The following COL14A1 variants were observed in gnomAD, a reference collection of about 807,000 sequenced individuals.
COL14A1 encodes collagen alpha-1(XIV) chain.
Under a neutral mutation model 230.3 loss-of-function variants are expected in COL14A1, and 136 were observed. The ratio of observed to expected loss-of-function variants is 0.59; its 90% CI spans 0.51 to 0.68. COL14A1 has a LOEUF of 0.68. Ranked by LOEUF, COL14A1 falls within the 30% of genes least tolerant of loss-of-function variation. COL14A1 has a pLI of 0.00. For synonymous variants in COL14A1, 792 were observed against 784.1 expected, an observed-to-expected ratio of 1.01 and a Z score of -0.17; for missense variants, 1,976 against 2,215.8, an observed-to-expected ratio of 0.89 and a Z score of 2.17.
At chr8:120,279,842 A>T in intron 28 of COL14A1, 93 bp from the exon 29 acceptor site, 1 of 1,397,072 alleles carries the variant, frequency 7.2e-7, no homozygotes, top group Non-Finnish European at 9.7e-7. Context: ...TCCTAAATAA[A>T]CATATTTTAA....
intron 8 of COL14A1, 110 bp from the exon 9 acceptor site, chr8:120,203,599 T>C (rs1039750027): frequency 1.3e-6 from 1 of 790,128 alleles, no homozygotes; most frequent in Admixed American, 2.7e-5. Context: ...TAGCAGATGA[T>C]GCTTTGACTG....
chr8:120,199,918 G>A (rs1178404196), intron 8 of COL14A1, among the ~76,000 whole-genome samples: 1 of 151,852 alleles, frequency 6.6e-6, no homozygotes, highest in South Asian at 2.1e-4. Context: ...TGGTAATATA[G>A]GAAGAATCTA....
At chr8:120,251,792 T>C (rs1032764981) in intron 22 of COL14A1, among the ~76,000 whole-genome samples, 1 of 152,188 alleles carries the variant, frequency 6.6e-6, no homozygotes, top group Non-Finnish European at 1.5e-5. Context: ...CAAATTTTCA[T>C]AGATACCCTA....
chr8:120,236,440 C>T (rs1818448030), intron 19 of COL14A1, among the ~76,000 whole-genome samples: 2 of 148,480 alleles, frequency 1.3e-5, no homozygotes, highest in Admixed American at 7.0e-5. Flanking sequence ...ATTGCAACCC[C>T]TGCTTTTTTT....
In COL14A1 at chr8:120,281,004, A is replaced by C. The variant is rs761414740; in HGVS notation, c.3769A>C (p.Asn1257His). ...EGVSMEPGTF[N>H]VFPCYQLHKD... ...GGTTTCTATGGAGCCTGGTACCTTC[A>C]ATGTGTTTCCATGTTACCAACTCCA... The change falls in exon 31 of 48, where the codon AAT (asparagine) becomes CAT (histidine). Residue 1257 changes from asparagine (N) to histidine (H), a missense_variant. By Grantham distance (68) the Asn-to-His change is moderately conservative. Transcript: ENST00000297848. 8 of 1,613,036 alleles carry C rather than the reference A, an allele frequency of 5.0e-6. No homozygotes were observed. The East Asian group carries it at 1.8e-4, about 36-fold the overall frequency.
At chr8:120,157,796 C>T (rs1815528980) in intron 2 of COL14A1, among the ~76,000 whole-genome samples, 1 of 151,720 alleles carries the variant, frequency 6.6e-6, no homozygotes, top group Non-Finnish European at 1.5e-5. Flanking sequence ...CCAGCCTGGC[C>T]AAGATGGTGA....
Position 120,345,420 on chromosome 8 carries a change from ACTC to A in COL14A1, c.4938_4940del (p.Ser1648del). On this transcript the variant is annotated inframe_deletion, in exon 45 of 48. Transcript: ENST00000297848. ...GCCATCCTCAACCAGATTCCCAGCC[ACTC>A]CTCATCCATCCGGACTGTCCAAGGG... 3.8e-6 allele frequency: 6 copies of A among 1,596,352 alleles called. No individual in the cohort carries two copies. The highest frequency in any genetic ancestry group is 4.3e-6 in the Non-Finnish European group (5 of 1,172,548).
intron 35 of COL14A1, 113 bp from the exon 36 acceptor site, chr8:120,300,619 A>T: frequency 1.3e-6 from 1 of 779,486 alleles, no homozygotes; most frequent in Non-Finnish European, 2.1e-6. Flanking sequence ...TGCCTTTCTA[A>T]TGTGCACTTG....
At chr8:120,161,603 A>C (rs565269843) in intron 3 of COL14A1, among the ~76,000 whole-genome samples, 42 of 152,300 alleles carry the variant, frequency 2.8e-4, no homozygotes, top group Non-Finnish European at 5.3e-4. Flanking sequence ...GACTCACTTT[A>C]GAGAGGCTGT....
chr8:120,198,116 A>AC (rs1817106231), intron 7 of COL14A1, among the ~76,000 whole-genome samples, 186 bp downstream of exon 7: 1 of 152,146 alleles, frequency 6.6e-6, no homozygotes, highest in Non-Finnish European at 1.5e-5. Context: ...CTTTTACTCT[A>AC]TGACTATAAT....
chr8:120,230,889 G>A (rs1818246714), intron 18 of COL14A1, among the ~76,000 whole-genome samples: 1 of 152,200 alleles, frequency 6.6e-6, no homozygotes, highest in Non-Finnish European at 1.5e-5. Flanking sequence ...AGATGAGCAC[G>A]AATGTGCCAG....
intron 5 of COL14A1, among the ~76,000 whole-genome samples, chr8:120,175,050 T>C (rs1017151145): frequency 2.0e-5 from 3 of 152,240 alleles, no homozygotes; most frequent in Admixed American, 6.5e-5. Flanking sequence ...GAGTCTACAC[T>C]GATAGTGGCT....
intron 35 of COL14A1, among the ~76,000 whole-genome samples, chr8:120,299,467 T>A (rs1235769902): frequency 6.6e-6 from 1 of 152,096 alleles, no homozygotes; most frequent in Non-Finnish European, 1.5e-5. Flanking sequence ...CAAGCAAAGA[T>A]GTGATCACCA....
chr8:120,354,534 A>T (rs79742856), intron 45 of COL14A1, among the ~76,000 whole-genome samples: 3,154 of 152,190 alleles, frequency 0.021, 113 homozygotes, highest in African/African-American at 0.071. Context: ...TCGCAATGTG[A>T]TGTACATGGC....
At chr8:120,195,566 A>G (rs1338686049) in intron 5 of COL14A1, among the ~76,000 whole-genome samples, 3 of 152,192 alleles carry the variant, frequency 2.0e-5, no homozygotes, top group Admixed American at 2.0e-4. Flanking sequence ...TAAAAAGGAA[A>G]GCGGTTTAAT....
At chr8:120,126,546 G>T (rs1244018112) in intron 1 of COL14A1, among the ~76,000 whole-genome samples, 1 of 152,214 alleles carries the variant, frequency 6.6e-6, no homozygotes, top group Non-Finnish European at 1.5e-5. Context: ...GTAAGTCTTT[G>T]GTGGCTGTGG....
At chr8:120,324,209 C>A (rs1821571510) in intron 40 of COL14A1, among the ~76,000 whole-genome samples, 1 of 150,992 alleles carries the variant, frequency 6.6e-6, no homozygotes, top group African/African-American at 2.4e-5. Context: ...GCTCATGTAC[C>A]CTGAACCTAA....
intron 45 of COL14A1, among the ~76,000 whole-genome samples, chr8:120,355,392 C>T (rs1020490891): frequency 5.3e-5 from 8 of 151,520 alleles, no homozygotes; most frequent in Non-Finnish European, 8.8e-5. Flanking sequence ...AGAAAATTCC[C>T]CTAATTTCAG....
At chr8:120,305,132 C>A (rs1463120410) in intron 36 of COL14A1, among the ~76,000 whole-genome samples, 1 of 152,116 alleles carries the variant, frequency 6.6e-6, no homozygotes, top group African/African-American at 2.4e-5. Flanking sequence ...GCATGTGCCA[C>A]CATGCCAGGC....
Sources: allele counts gnomAD v4.1 joint callset (sites outside exome capture counted in the v4.1 genomes callset), GRCh38; gene constraint gnomAD v4.1.1; transcripts MANE v1.5; gene names NCBI Gene and HGNC (gene_info 2026-07-23, HGNC 2026-07-21).